ATXN2: variants seen among roughly 807,000 people sequenced by gnomAD.
ATXN2 encodes ataxin 2.
ATXN2 carries 37 observed loss-of-function variants against 138.6 expected under a neutral mutation model. The observed-to-expected ratio is 0.27, with a 90% CI of 0.21 to 0.35. ATXN2 has a LOEUF of 0.35. Ranked by LOEUF, ATXN2 falls within the 10% of genes least tolerant of loss-of-function variation. ATXN2 has a pLI of 1.00. For synonymous variants in ATXN2, 549 were observed against 543.7 expected (o/e 1.01, Z -0.13); for missense variants, 1,216 against 1,480.3 (o/e 0.82, Z 2.93).
At chr12:111,571,770 C>A (rs1343465565) in intron 1 of ATXN2, among the ~76,000 whole-genome samples, 1 of 152,086 alleles carries the variant, frequency 6.6e-6, no homozygotes, top group Non-Finnish European at 1.5e-5. Context: ...GTAATCCCAG[C>A]ACTTTGGGAG....
intron 20 of ATXN2, chr12:111,468,743 C>T (rs1045932952): frequency 5.2e-5 from 7 of 134,572 alleles, no homozygotes; most frequent in African/African-American, 2.1e-4. Context: ...CTCTGTCGCT[C>T]AGGCTAGAGT....
intron 5 of ATXN2, among the ~76,000 whole-genome samples, chr12:111,551,036 T>C (rs922277740): frequency 2.0e-5 from 3 of 152,176 alleles, no homozygotes; most frequent in South Asian, 2.1e-4. Context: ...CAGTGGCTCA[T>C]GCCTGTAATT....
intron 1 of ATXN2, among the ~76,000 whole-genome samples, chr12:111,597,541 G>T (rs1884998354): frequency 6.6e-6 from 1 of 152,140 alleles, no homozygotes; most frequent in Non-Finnish European, 1.5e-5. Flanking sequence ...ACAATGGAAT[G>T]GAGTCTATTG....
chr12:111,472,426 C>T (rs1254091144), intron 18 of ATXN2, among the ~76,000 whole-genome samples: 1 of 151,974 alleles, frequency 6.6e-6, no homozygotes, highest in Non-Finnish European at 1.5e-5. Flanking sequence ...ACAGCAATAG[C>T]CTTCATATAT....
intron 1 of ATXN2, chr12:111,581,690 T>A: frequency 1.5e-6 from 1 of 687,374 alleles, no homozygotes; most frequent in Admixed American, 2.0e-5. Flanking sequence ...TACCGCCAAG[T>A]GCCTGAACAT....
intron 21 of ATXN2, among the ~76,000 whole-genome samples, chr12:111,459,662 A>C (rs1050562881): frequency 6.6e-6 from 1 of 152,050 alleles, no homozygotes; most frequent in African/African-American, 2.4e-5. Context: ...CTGGTCTCGA[A>C]CTACTGGCCT....
At chr12:111,480,031 A>C (rs1877114820) in intron 18 of ATXN2, among the ~76,000 whole-genome samples, 1 of 151,636 alleles carries the variant, frequency 6.6e-6, no homozygotes, top group Non-Finnish European at 1.5e-5. Context: ...AATCAAAAAA[A>C]AAAAAAGAAA....
intron 1 of ATXN2, among the ~76,000 whole-genome samples, chr12:111,583,484 G>A (rs1218238144): frequency 6.6e-6 from 1 of 152,028 alleles, no homozygotes; most frequent in Non-Finnish European, 1.5e-5. Flanking sequence ...AGTGAACCAT[G>A]GCCAGGCACG....
upstream of ATXN2, chr12:111,599,654 C>G (rs973088021): frequency 1.9e-6 from 2 of 1,079,190 alleles, no homozygotes; most frequent in Non-Finnish European, 1.1e-6. Flanking sequence ...GCGGGCGGCG[C>G]GCTGGGTTGC....
chr12:111,593,479 T>C (rs1183257021), intron 1 of ATXN2, among the ~76,000 whole-genome samples: 2 of 152,024 alleles, frequency 1.3e-5, no homozygotes, highest in Non-Finnish European at 2.9e-5. Flanking sequence ...GTATAAACCA[T>C]TGCTAATTAG....
chr12:111,538,012 C>A (rs1881287975), intron 5 of ATXN2, among the ~76,000 whole-genome samples: 1 of 151,898 alleles, frequency 6.6e-6, no homozygotes, highest in Non-Finnish European at 1.5e-5. Context: ...AGGTGAATCA[C>A]CTGAACCCAT....
chr12:111,480,118 AAGTAC>A (rs1304375278), intron 18 of ATXN2, among the ~76,000 whole-genome samples: 1 of 152,052 alleles, frequency 6.6e-6, no homozygotes, highest in Non-Finnish European at 1.5e-5. Flanking sequence ...AGTGGTAATA[AAGTAC>A]AGTTGGACAG....
chr12:111,591,039 T>G (rs1884631036), intron 1 of ATXN2, among the ~76,000 whole-genome samples: 1 of 151,764 alleles, frequency 6.6e-6, no homozygotes, highest in African/African-American at 2.4e-5. Context: ...ACAGGCGCCC[T>G]CCACCGCGCC....
At chr12:111,456,811 G>A (rs1400792628) in intron 22 of ATXN2, among the ~76,000 whole-genome samples, 2 of 151,830 alleles carry the variant, frequency 1.3e-5, no homozygotes, top group Non-Finnish European at 2.9e-5. Flanking sequence ...GCAGTGGCGC[G>A]ATCTCTGCTC....
chr12:111,470,868 A>T, intron 18 of ATXN2, 126 bp from the exon 19 acceptor site: 2 of 952,726 alleles, frequency 2.1e-6, no homozygotes, highest in African/African-American at 1.6e-5. Flanking sequence ...ATCTCATACC[A>T]CTCCCACTTC....
rs192492879 is a variant in ATXN2 at position 111,470,573 on chromosome 12, T to A, written c.2694A>T (p.Pro898=). ...FPNQPLVQHV[P]HYQSQHPHVY... is the part of the protein sequence containing the mutation. The stretch of plus-strand genomic sequence containing the variant: ...CCAGCCTTACCTGAGACTGATAATG[T>A]GGCACATGCTGAACAAGGGGCTGAT... The change falls in exon 19 of 25, where the codon CCA becomes CCT. Residue 898 remains proline (P), a synonymous_variant. Transcript: ENST00000673436. The A allele has an allele frequency of 6.2e-7, 1 of 1,614,148 alleles. No homozygotes were observed.
At chr12:111,501,373 A>G (rs1878749723) in intron 14 of ATXN2, among the ~76,000 whole-genome samples, 3 of 152,252 alleles carry the variant, frequency 2.0e-5, no homozygotes, top group Admixed American at 1.3e-4. Context: ...CAACAAAAAC[A>G]GAACCTAAGC....
intron 18 of ATXN2, chr12:111,471,637 A>G (rs1221957791): frequency 6.6e-6 from 1 of 152,108 alleles, no homozygotes; most frequent in Admixed American, 6.5e-5. Flanking sequence ...CTAAACATTC[A>G]CTAACTGTTG....
intron 5 of ATXN2, among the ~76,000 whole-genome samples, chr12:111,541,796 A>T (rs1881535181): frequency 6.8e-6 from 1 of 147,790 alleles, no homozygotes; most frequent in African/African-American, 2.5e-5. Flanking sequence ...TATATATTAT[A>T]AAAATTTTTT....
Sources: allele counts gnomAD v4.1 joint callset (sites outside exome capture counted in the v4.1 genomes callset), GRCh38; gene constraint gnomAD v4.1.1; transcripts MANE v1.5; gene names NCBI Gene and HGNC (gene_info 2026-07-23, HGNC 2026-07-21).